The following INPP5D variants were observed in gnomAD, a reference collection of about 807,000 sequenced individuals.
INPP5D encodes the protein phosphatidylinositol 3,4,5-trisphosphate 5-phosphatase 1.
In INPP5D, 33 loss-of-function variants were observed where a neutral mutation model predicts 122.9. The ratio of observed to expected loss-of-function variants is 0.27; its 90% CI spans 0.20 to 0.36. INPP5D has a LOEUF of 0.36. Ranked by LOEUF, INPP5D falls within the 10% of genes least tolerant of loss-of-function variation. The pLI is 1.00. For synonymous variants in INPP5D, 584 were observed against 576.2 expected (o/e 1.01, Z -0.19); for missense variants, 1,053 against 1,412.7 (o/e 0.75, Z 4.08).
chr2:233,061,670 C>T (rs571502704), intron 1 of INPP5D, among the ~76,000 whole-genome samples: 5 of 152,330 alleles, frequency 3.3e-5, no homozygotes, highest in Admixed American at 3.3e-4. Context: ...CCATTTCATC[C>T]TCACCACAAC....
At position 233,086,469 on chromosome 2, in the gene INPP5D, G is replaced by A. The variant is rs544893661; in HGVS notation, c.198+7071G>A. Among the ~76,000 whole-genome samples, 8 of 151,840 alleles carry A rather than the reference G, an allele frequency of 5.3e-5. 1 individual carries two copies. The highest frequency in any genetic ancestry group is 4.1e-4 in the South Asian group (2 of 4,822). The stretch of plus-strand genomic sequence containing the variant: ...GCTGGGATTACAGGTGTGAGCCACC[G>A]CACCCAGCCAAGATAGCCTCTTTCC... On this transcript the variant is annotated intron_variant, in intron 2 of 26. Coordinates refer to ENST00000445964, the MANE Select transcript of INPP5D (RefSeq NM_001017915.3).
At position 233,160,388 on chromosome 2, in the gene INPP5D, G is replaced by A. The variant is rs188362757; in HGVS notation, c.1138-1336G>A. On this transcript the variant is annotated intron_variant, in intron 10 of 26. Transcript: ENST00000445964. This position sits in a 1 kb window ranked among gnomAD's most constrained non-coding sequence, Gnocchi z 4.2. ...CCCACTGGGTACCCCAGAAAAATAC[G>A]TGAAAAATATTGAGTAGGCTATGAA... is the stretch of plus-strand genomic sequence containing the variant. Among the ~76,000 whole-genome samples, 6 of 152,164 alleles carry A rather than the reference G, an allele frequency of 3.9e-5. No homozygotes were observed. The highest frequency in any genetic ancestry group is 1.2e-4 in the African/African-American group (5 of 41,430).
At chr2:233,094,376 A>G (rs187550784) in intron 2 of INPP5D, among the ~76,000 whole-genome samples, 165 of 151,642 alleles carry the variant, frequency 1.1e-3, no homozygotes, top group African/African-American at 3.8e-3. Flanking sequence ...AGCCGGGCTT[A>G]GTGGTGCATG....
At position 233,164,658 on chromosome 2, in the gene INPP5D, G is replaced by T. The variant is rs1321117143; in HGVS notation, c.1555+234G>T. ...CTAAAATGCAGGTTCCGACCCAGTA[G>T]ATCTTGGGTGGAGCTCAGGGTTCCA... On this transcript the variant is annotated intron_variant, in intron 13 of 26. Transcript: ENST00000445964. The surrounding 1 kb of genome is among the most constrained non-coding windows in gnomAD (Gnocchi z 4.3). Among the ~76,000 whole-genome samples, 1 of 152,204 alleles carries T rather than the reference G, an allele frequency of 6.6e-6. No individual in the cohort carries two copies. Among genetic ancestry groups the T allele is most frequent in the Non-Finnish European group, 1.5e-5 (1 of 68,042 alleles).
chr2:233,171,029 G>A, intron 16 of INPP5D, 35 bp from the exon 17 acceptor site: 3 of 1,607,752 alleles, frequency 1.9e-6, no homozygotes, highest in Non-Finnish European at 2.5e-6. Flanking sequence ...AAAACCTGGG[G>A]AATCAGAATT....
intron 18 of INPP5D, among the ~76,000 whole-genome samples, chr2:233,181,055 G>C (rs1694771619): frequency 1.3e-5 from 2 of 152,106 alleles, no homozygotes; most frequent in South Asian, 4.1e-4. Context: ...TTTCTTTCCT[G>C]CCTAGCCTTT....
At chr2:233,191,776 G>A (rs953442680) in intron 22 of INPP5D, among the ~76,000 whole-genome samples, 2 of 152,158 alleles carry the variant, frequency 1.3e-5, no homozygotes, top group African/African-American at 2.4e-5. Flanking sequence ...AGGAGAATGC[G>A]CCTGGGTCAA....
At chr2:233,179,228 C>G (rs1363773276) in intron 18 of INPP5D, among the ~76,000 whole-genome samples, 2 of 152,248 alleles carry the variant, frequency 1.3e-5, no homozygotes, top group Non-Finnish European at 2.9e-5. Context: ...CTGCCTGCAG[C>G]CTCCTCACTT....
chr2:233,081,988 C>T lies in INPP5D; in HGVS notation c.198+2590C>T, dbSNP rs183661678. 3.3e-4 allele frequency among the ~76,000 whole-genome samples: 50 copies of T among 152,200 alleles called. No homozygotes were observed. In the East Asian group the frequency reaches 8.1e-3, roughly 25 times the overall value. Reference sequence around the variant, plus strand: ...TGCCTCTCAGAGATGGGGACAGAGTCGTGGGGGCAGCGTGCCTCCTTAAGG... The same window carrying T: ...TGCCTCTCAGAGATGGGGACAGAGTTGTGGGGGCAGCGTGCCTCCTTAAGG... On this transcript the variant is annotated intron_variant, in intron 2 of 26. Transcript: ENST00000445964.
chr2:233,097,188 G>C lies in INPP5D; in HGVS notation c.198+17790G>C, dbSNP rs150193264. Reference sequence around the variant, plus strand: ...AATCTGATTTGAAACGCCTCCTCCTGTTCCATTGATAGATTAATCTACTCT... The same window carrying C: ...AATCTGATTTGAAACGCCTCCTCCTCTTCCATTGATAGATTAATCTACTCT... On this transcript the variant is annotated intron_variant, in intron 2 of 26. Transcript: ENST00000445964. Among the ~76,000 whole-genome samples the C allele has an allele frequency of 3.9e-3, 593 of 152,190 alleles. 4 individuals are homozygous for C. The highest frequency in any genetic ancestry group is 0.013 in the African/African-American group (549 of 41,524).
intron 5 of INPP5D, among the ~76,000 whole-genome samples, chr2:233,136,245 A>G (rs1279418456): frequency 6.6e-6 from 1 of 152,236 alleles, no homozygotes; most frequent in Non-Finnish European, 1.5e-5. Flanking sequence ...TGGGAGGCCA[A>G]GGTGGGCAGA....
At chr2:233,196,924 C>T (rs796910190) in intron 24 of INPP5D, among the ~76,000 whole-genome samples, 4 of 152,292 alleles carry the variant, frequency 2.6e-5, no homozygotes, top group African/African-American at 7.2e-5. Flanking sequence ...TGTTCACAGC[C>T]GTGGGCACAC....
At chr2:233,133,403 G>A (rs1393762631) in intron 5 of INPP5D, among the ~76,000 whole-genome samples, 1 of 152,154 alleles carries the variant, frequency 6.6e-6, no homozygotes, top group African/African-American at 2.4e-5. Flanking sequence ...CAAAGGTCCT[G>A]AGGCAGGAAT....
intron 2 of INPP5D, among the ~76,000 whole-genome samples, chr2:233,120,281 C>A (rs945808168): frequency 6.6e-6 from 1 of 152,074 alleles, no homozygotes; most frequent in Non-Finnish European, 1.5e-5. Context: ...GTCAGGATTT[C>A]GAGACCAGCT....
intron 3 of INPP5D, 49 bp from the exon 4 acceptor site, chr2:233,125,696 G>A: frequency 1.3e-6 from 2 of 1,552,854 alleles, no homozygotes; most frequent in Non-Finnish European, 1.8e-6. Context: ...TGAAGGCCGG[G>A]TTGTGCGCAC....
At chr2:233,081,852 A>C (rs1192310324) in intron 2 of INPP5D, among the ~76,000 whole-genome samples, 1 of 152,252 alleles carries the variant, frequency 6.6e-6, no homozygotes, top group Non-Finnish European at 1.5e-5. Flanking sequence ...CTCAGTCCCC[A>C]GTCCTAAGAA....
chr2:233,164,766 G>A lies in INPP5D; in HGVS notation c.1555+342G>A, dbSNP rs1342232049. Among the ~76,000 whole-genome samples, 1 of 152,182 alleles carries A rather than the reference G, an allele frequency of 6.6e-6. No homozygotes were observed. The highest frequency in any genetic ancestry group is 1.5e-5 in the Non-Finnish European group (1 of 68,034). ...TTTAAGAAGCAAGAACCTAGAAGAG[G>A]CATTGGCCAACTTTTGCAGGAAAGG... On this transcript the variant is annotated intron_variant, in intron 13 of 26. Transcript: ENST00000445964. This position sits in a 1 kb window ranked among gnomAD's most constrained non-coding sequence, Gnocchi z 4.3.
In INPP5D at chr2:233,206,205, TAGAAGG is replaced by T. The variant is rs1280194897; in HGVS notation, c.3568-496_3568-491del. ...GTTAATAGTACCTACCTCATAGACT[TAGAAGG>T]AGAATTGCATTGTAGGCTATTATGT... is the stretch of plus-strand genomic sequence containing the variant. On this transcript the variant is annotated intron_variant, in intron 26 of 26. Coordinates refer to ENST00000445964, the MANE Select transcript of INPP5D (RefSeq NM_001017915.3). This position sits in a 1 kb window ranked among gnomAD's most constrained non-coding sequence, Gnocchi z 4.0. Among the ~76,000 whole-genome samples the T allele has an allele frequency of 6.6e-6, 1 of 152,122 alleles. No homozygotes were observed. Among genetic ancestry groups the T allele is most frequent in the Non-Finnish European group, 1.5e-5 (1 of 68,036 alleles).
In INPP5D at chr2:233,060,578, G is replaced by A. The variant is rs1208839778; in HGVS notation, c.100G>A (p.Glu34Lys). ...CGGGAGCTTCCTCGTGCGTGCCAGC[G>A]AGTCCATCTCCCGGGCATACGCGCT... ...KDGSFLVRASESISRAYALCV... is the reference protein window; with the variant it reads ...KDGSFLVRASKSISRAYALCV... Residue 34 changes from glutamate to lysine, a missense_variant, in exon 1 of 27, where the codon GAG becomes AAG. Transcript: ENST00000445964. 5.0e-6 allele frequency: 8 copies of A among 1,614,042 alleles called. 1 individual carries two copies. The highest frequency in any genetic ancestry group is 3.3e-5 in the Admixed American group (2 of 60,036).
Sources: allele counts gnomAD v4.1 joint callset (sites outside exome capture counted in the v4.1 genomes callset), GRCh38; gene constraint gnomAD v4.1.1; non-coding constraint Gnocchi (gnomAD v3.1); transcripts MANE v1.5; gene names NCBI Gene and HGNC (gene_info 2026-07-23, HGNC 2026-07-21).